The following UBE2D2 variants were observed in gnomAD, a reference collection of about 807,000 sequenced individuals.
UBE2D2 encodes the protein ubiquitin-conjugating enzyme E2 D2.
Under a neutral mutation model 24.2 loss-of-function variants are expected in UBE2D2, and 2 were observed. The ratio of observed to expected loss-of-function variants is 0.08; its 90% CI spans 0.03 to 0.26. The LOEUF (loss-of-function observed/expected upper bound fraction) is 0.26, where lower values mean the gene tolerates loss of function less well. Ranked by LOEUF, UBE2D2 falls within the 10% of genes least tolerant of loss-of-function variation. The pLI is 1.00. For synonymous variants in UBE2D2, 58 were observed against 56.5 expected (o/e 1.03, Z -0.12); for missense variants, 44 against 177.6 (o/e 0.25, Z 4.28).
At chr5:139,572,321 G>A (rs1232989500) in intron 1 of UBE2D2, among the ~76,000 whole-genome samples, 1 of 152,188 alleles carries the variant, frequency 6.6e-6, no homozygotes, top group Non-Finnish European at 1.5e-5. Flanking sequence ...AGCACTGGCT[G>A]GATATGGTGG....
At chr5:139,586,746 C>CA (rs1321783232) in intron 1 of UBE2D2, among the ~76,000 whole-genome samples, 1 of 151,448 alleles carries the variant, frequency 6.6e-6, no homozygotes, top group Non-Finnish European at 1.5e-5. Context: ...GCCTGGGCGA[C>CA]AGAGCGAGAC....
intron 1 of UBE2D2, among the ~76,000 whole-genome samples, chr5:139,581,942 C>G (rs999854405): frequency 3.3e-5 from 5 of 152,042 alleles, no homozygotes; most frequent in African/African-American, 1.2e-4. Flanking sequence ...GCTGGGATTG[C>G]AGGCGTGAGC....
At chr5:139,545,615 A>T (rs1453866003) in intron 1 of UBE2D2, among the ~76,000 whole-genome samples, 1 of 149,492 alleles carries the variant, frequency 6.7e-6, no homozygotes, top group Non-Finnish European at 1.5e-5. Context: ...TAGTAGAGAC[A>T]GAGTTTCACC....
At chr5:139,547,007 C>T (rs1414815326) in intron 1 of UBE2D2, among the ~76,000 whole-genome samples, 1 of 151,534 alleles carries the variant, frequency 6.6e-6, no homozygotes, top group Non-Finnish European at 1.5e-5. Context: ...GATTCTCCTG[C>T]CGGCCGGGCA....
intron 1 of UBE2D2, among the ~76,000 whole-genome samples, chr5:139,576,878 C>CT (rs1322085204): frequency 6.7e-6 from 1 of 149,176 alleles, no homozygotes; most frequent in African/African-American, 2.5e-5. Context: ...ACAAAAATCT[C>CT]TGTCAGTTGG....
chr5:139,591,686 A>G (rs967726131), intron 1 of UBE2D2, among the ~76,000 whole-genome samples: 3 of 152,200 alleles, frequency 2.0e-5, no homozygotes, highest in African/African-American at 7.2e-5. Context: ...TTTCAAACTC[A>G]TGTAAGTTAA....
At chr5:139,625,713 C>T (rs112657410) in intron 6 of UBE2D2, among the ~76,000 whole-genome samples, 2,203 of 151,950 alleles carry the variant, frequency 0.014, 31 homozygotes, top group Middle Eastern at 0.065. Context: ...CAAGTGATTC[C>T]TGTGCCTCAG....
intron 5 of UBE2D2, among the ~76,000 whole-genome samples, chr5:139,622,496 G>A (rs1037717052): frequency 1.3e-5 from 2 of 150,384 alleles, no homozygotes; most frequent in Non-Finnish European, 3.0e-5. Flanking sequence ...ACCCCCCTCC[G>A]CCTCCCAAAG....
rs1753090600 is a variant in UBE2D2, at chr5:139,561,527, G to C, written c.-265G>C. 2.4e-6 allele frequency: 1 copy of C among 416,924 alleles called. No homozygotes were observed. Among genetic ancestry groups the C allele is most frequent in the Non-Finnish European group, 4.2e-6 (1 of 236,326 alleles). The allele number at this position is 416,924 out of a possible 1,614,324, so 25.8% of individuals were successfully genotyped here. ...GGCGGCGCTGATCCTGGGAGGAAGA[G>C]GCAGCTACGGCGGCGGCGGCGGTGG... On this transcript the variant is annotated 5_prime_UTR_variant, in exon 1 of 7. Coordinates refer to ENST00000398733, the MANE Select transcript of UBE2D2 (RefSeq NM_003339.3).
intron 1 of UBE2D2, among the ~76,000 whole-genome samples, chr5:139,577,098 G>A (rs1280453398): frequency 6.6e-6 from 1 of 151,734 alleles, no homozygotes; most frequent in African/African-American, 2.4e-5. Flanking sequence ...TTGTCTGTCT[G>A]TAGGAAGACG....
intron 1 of UBE2D2, among the ~76,000 whole-genome samples, chr5:139,548,195 A>AAAAAAAAAAAAAC (rs1752864108): frequency 1.9e-5 from 1 of 52,516 alleles, no homozygotes; most frequent in Non-Finnish European, 3.3e-5. Context: ...AAAAAAAAAA[A>AAAAAAAAAAAAAC]ATAAATAAAT....
chr5:139,588,256 TTTTGTTTTG>T (rs1753774960), intron 1 of UBE2D2, among the ~76,000 whole-genome samples: 1 of 151,124 alleles, frequency 6.6e-6, no homozygotes, highest in African/African-American at 2.4e-5. Context: ...GCGTTTTTTT[TTTTGTTTTG>T]TTTTGTTTTG....
chr5:139,569,373 A>G (rs1187503903), intron 1 of UBE2D2, among the ~76,000 whole-genome samples: 3 of 152,218 alleles, frequency 2.0e-5, no homozygotes, highest in Non-Finnish European at 2.9e-5. Flanking sequence ...CTCCCAGTGT[A>G]TATTACTGTA....
At chr5:139,571,266 G>A (rs993462583) in intron 1 of UBE2D2, among the ~76,000 whole-genome samples, 2 of 151,898 alleles carry the variant, frequency 1.3e-5, no homozygotes, top group African/African-American at 4.8e-5. Context: ...AATTAGCCAG[G>A]CACAGTGGTG....
chr5:139,555,840 C>T (rs189607926), intron 1 of UBE2D2, among the ~76,000 whole-genome samples: 1 of 142,766 alleles, frequency 7.0e-6, no homozygotes, highest in Admixed American at 7.3e-5. Flanking sequence ...GCAGGAGAAT[C>T]GCTTGAACCC....
At chr5:139,582,455 C>G (rs1253537500) in intron 1 of UBE2D2, among the ~76,000 whole-genome samples, 1 of 151,606 alleles carries the variant, frequency 6.6e-6, no homozygotes, top group Non-Finnish European at 1.5e-5. Flanking sequence ...AAGTGATCCT[C>G]CCACTTCGGC....
chr5:139,589,208 A>G (rs1047281483), intron 1 of UBE2D2, among the ~76,000 whole-genome samples: 1 of 151,780 alleles, frequency 6.6e-6, no homozygotes, highest in African/African-American at 2.4e-5. Context: ...ACAGTGAGCT[A>G]TGATCAGGCC....
At chr5:139,619,509 ATATG>A (rs1318477587) in intron 5 of UBE2D2, among the ~76,000 whole-genome samples, 1 of 152,206 alleles carries the variant, frequency 6.6e-6, no homozygotes, top group Non-Finnish European at 1.5e-5. Flanking sequence ...AAGGTATAGT[ATATG>A]TATCAGTCCA....
intron 1 of UBE2D2, among the ~76,000 whole-genome samples, chr5:139,538,092 G>C (rs911380420): frequency 6.6e-6 from 1 of 152,074 alleles, no homozygotes; most frequent in African/African-American, 2.4e-5. Context: ...GAGTGCAATG[G>C]CAGGATCTTG....
Sources: allele counts gnomAD v4.1 joint callset (sites outside exome capture counted in the v4.1 genomes callset), GRCh38; gene constraint gnomAD v4.1.1; transcripts MANE v1.5; gene names NCBI Gene and HGNC (gene_info 2026-07-23, HGNC 2026-07-21).